The following NALF1 variants were observed in gnomAD, a reference collection of about 807,000 sequenced individuals.
The protein encoded by NALF1 is NALCN channel auxiliary factor 1.
In NALF1, 3 loss-of-function variants were observed where a neutral mutation model predicts 48.4. That is an observed-to-expected ratio of 0.06 (90% CI 0.03 to 0.16). The LOEUF is 0.16. NALF1 is among the 10% of genes least tolerant of loss of function. The pLI, the probability that NALF1 is intolerant of heterozygous loss-of-function variation, is 1.00. For synonymous variants in NALF1, 262 were observed against 245.7 expected, an observed-to-expected ratio of 1.07 and a Z score of -0.62; for missense variants, 526 against 571.5, an observed-to-expected ratio of 0.92 and a Z score of 0.81.
intron 1 of NALF1, among the ~76,000 whole-genome samples, chr13:107,239,623 T>G (rs1880426682): frequency 6.6e-6 from 1 of 152,224 alleles, no homozygotes; most frequent in African/African-American, 2.4e-5. Flanking sequence ...TTAGTTTGGA[T>G]AAGTTAGTGT....
chr13:107,753,013 G>A (rs1876983445), intron 1 of NALF1, among the ~76,000 whole-genome samples: 1 of 152,182 alleles, frequency 6.6e-6, no homozygotes, highest in Non-Finnish European at 1.5e-5. Flanking sequence ...CCACATGGAT[G>A]TTTAGTAACA....
intron 2 of NALF1, among the ~76,000 whole-genome samples, chr13:107,197,112 T>C (rs1304826085): frequency 6.6e-6 from 1 of 152,148 alleles, no homozygotes; most frequent in Non-Finnish European, 1.5e-5. Context: ...AGGTATGCTC[T>C]TGTGCTCTGG....
chr13:107,595,996 A>C (rs544111314), intron 1 of NALF1, among the ~76,000 whole-genome samples: 2 of 152,226 alleles, frequency 1.3e-5, no homozygotes, highest in East Asian at 3.9e-4. Flanking sequence ...AGTAATATTA[A>C]AGGTTGTGGG....
Position 107,580,943 on chromosome 13 carries a change from G to A in NALF1, c.915+284739C>T, listed in dbSNP as rs1036606070. Among the ~76,000 whole-genome samples the A allele has an allele frequency of 3.9e-5, 6 of 152,212 alleles. No individual in the cohort carries two copies. In the South Asian group the frequency reaches 8.3e-4, roughly 21 times the overall value. ...CAATGGGAGAAACACTGCCCTTGTCGGTGCCAGTCTGAACAGGAGCCAAGA... is the reference window on the plus strand; with the variant it reads ...CAATGGGAGAAACACTGCCCTTGTCAGTGCCAGTCTGAACAGGAGCCAAGA... On this transcript the variant is annotated intron_variant, in intron 1 of 2. Transcript: ENST00000375915.
chr13:107,635,129 T>C (rs1879940308), intron 1 of NALF1, among the ~76,000 whole-genome samples: 2 of 152,186 alleles, frequency 1.3e-5, no homozygotes, highest in South Asian at 4.1e-4. Context: ...GGTGGGCTTT[T>C]GACTTTCACA....
intron 1 of NALF1, among the ~76,000 whole-genome samples, chr13:107,616,643 AGCT>A (rs1418752859): frequency 6.6e-6 from 1 of 152,230 alleles, no homozygotes; most frequent in African/African-American, 2.4e-5. Flanking sequence ...AAATGTCAGT[AGCT>A]GCTATTTCAT....
At chr13:107,497,899 A>G (rs1338856887) in intron 1 of NALF1, among the ~76,000 whole-genome samples, 1 of 152,202 alleles carries the variant, frequency 6.6e-6, no homozygotes. Context: ...AATCTGCCAT[A>G]TGCATGCAGA....
intron 1 of NALF1, among the ~76,000 whole-genome samples, chr13:107,540,400 C>T (rs192786828): frequency 1.3e-5 from 2 of 151,964 alleles, no homozygotes; most frequent in Non-Finnish European, 2.9e-5. Context: ...ACTTATACTA[C>T]ATAAACAACA....
chr13:107,695,365 T>C (rs1452210985), intron 1 of NALF1, among the ~76,000 whole-genome samples: 1 of 152,182 alleles, frequency 6.6e-6, no homozygotes, highest in East Asian at 1.9e-4. Context: ...GAAACCAATA[T>C]GCATTAAAAC....
intron 2 of NALF1, among the ~76,000 whole-genome samples, chr13:107,198,928 C>T (rs758945977): frequency 6.6e-6 from 1 of 152,214 alleles, no homozygotes; most frequent in Non-Finnish European, 1.5e-5. Context: ...ACTCCAAAAA[C>T]GTACCTGTTG....
At chr13:107,291,370 A>G (rs1881616807) in intron 1 of NALF1, among the ~76,000 whole-genome samples, 1 of 152,036 alleles carries the variant, frequency 6.6e-6, no homozygotes, top group African/African-American at 2.4e-5. Flanking sequence ...TTGAGCACCA[A>G]TATGACACAA....
intron 1 of NALF1, among the ~76,000 whole-genome samples, chr13:107,732,639 G>A (rs1348600300): frequency 6.6e-6 from 1 of 152,138 alleles, no homozygotes. Context: ...TATGTGTCAT[G>A]AAAGTGCAAG....
intron 1 of NALF1, among the ~76,000 whole-genome samples, chr13:107,288,668 A>T (rs1049218235): frequency 2.0e-5 from 3 of 151,166 alleles, no homozygotes; most frequent in Admixed American, 2.0e-4. Flanking sequence ...AGTAGCTGGA[A>T]TTACAGGTGC....
At chr13:107,366,632 CT>C (rs1429199648) in intron 1 of NALF1, among the ~76,000 whole-genome samples, 1 of 152,178 alleles carries the variant, frequency 6.6e-6, no homozygotes, top group East Asian at 1.9e-4. Context: ...CTGATTTTTG[CT>C]TTGGAAAATA....
chr13:107,206,874 C>A (rs1402640099), intron 2 of NALF1, among the ~76,000 whole-genome samples: 1 of 152,132 alleles, frequency 6.6e-6, no homozygotes, highest in African/African-American at 2.4e-5. Flanking sequence ...AGTGAAGAAT[C>A]CTCGATATCC....
intron 1 of NALF1, among the ~76,000 whole-genome samples, chr13:107,537,525 C>CA (rs1428413190): frequency 1.2e-4 from 19 of 152,022 alleles, no homozygotes; most frequent in African/African-American, 4.1e-4. Flanking sequence ...TTTACAGATT[C>CA]ATGCTAATAA....
intron 1 of NALF1, among the ~76,000 whole-genome samples, chr13:107,712,946 C>T (rs1875647830): frequency 6.6e-6 from 1 of 152,182 alleles, no homozygotes. Context: ...GTTTCCTTTC[C>T]ACCTGTCTGG....
At chr13:107,225,770 G>A (rs994072276) in intron 1 of NALF1, among the ~76,000 whole-genome samples, 2 of 151,956 alleles carry the variant, frequency 1.3e-5, no homozygotes, top group African/African-American at 4.8e-5. Context: ...CAAACCAAAG[G>A]AGCATCACAT....
rs532675199 is a variant in NALF1, at chr13:107,318,426, G to A, written c.916-107671C>T. Among the ~76,000 whole-genome samples, 17 of 152,102 alleles carry A rather than the reference G, an allele frequency of 1.1e-4. No homozygotes were observed. In the East Asian group the frequency reaches 2.1e-3, roughly 19 times the overall value. ...TGCAAAAAACTGTAATTCATTCTGC[G>A]GTGAGCCATGTTATGAGTACCACTT... On this transcript the variant is annotated intron_variant, in intron 1 of 2. Coordinates refer to ENST00000375915, the MANE Select transcript of NALF1 (RefSeq NM_001080396.3).
Sources: gnomAD v4.1 joint callset for allele counts (sites outside exome capture counted in the v4.1 genomes callset) on GRCh38, gnomAD v4.1.1 for gene constraint, MANE v1.5 for transcripts, NCBI Gene and HGNC (gene_info 2026-07-23, HGNC 2026-07-21) for gene names.